ETV6: variants seen among roughly 807,000 people sequenced by gnomAD.
ETV6 encodes the protein transcription factor ETV6.
In ETV6, 16 loss-of-function variants were observed where a neutral mutation model predicts 51.1. That is an observed-to-expected ratio of 0.31 (90% CI 0.21 to 0.48). The LOEUF (loss-of-function observed/expected upper bound fraction) is 0.48. Ranked by LOEUF, ETV6 falls within the 20% of genes least tolerant of loss-of-function variation. ETV6 has a pLI of 0.99. For synonymous variants in ETV6, 240 were observed against 224.1 expected (o/e 1.07, Z -0.64); for missense variants, 458 against 594.8 (o/e 0.77, Z 2.39).
Position 11,719,213 on chromosome 12 carries a change from A to G in ETV6, c.34-33237A>G, listed in dbSNP as rs530176335. Among the ~76,000 whole-genome samples the G allele has an allele frequency of 4.6e-5, 7 of 152,344 alleles. No homozygotes were observed. In the East Asian group the frequency reaches 1.4e-3, roughly 29 times the overall value. On this transcript the variant is annotated intron_variant, in intron 1 of 7. Transcript: ENST00000396373. Reference sequence around the variant, plus strand: ...AGTCTGGAATCCATTTGCTCCACGCAGGAGGCCTGCATCTCAAGTCAGGAG... The same window carrying G: ...AGTCTGGAATCCATTTGCTCCACGCGGGAGGCCTGCATCTCAAGTCAGGAG...
At chr12:11,806,213 G>A (rs1163941201) in intron 2 of ETV6, among the ~76,000 whole-genome samples, 1 of 152,190 alleles carries the variant, frequency 6.6e-6, no homozygotes, top group African/African-American at 2.4e-5. Context: ...TGCCATCCTT[G>A]TTGGACAGTG....
chr12:11,804,429 A>G (rs1945797785), intron 2 of ETV6, among the ~76,000 whole-genome samples: 2 of 152,146 alleles, frequency 1.3e-5, no homozygotes, highest in African/African-American at 2.4e-5. Flanking sequence ...CTCATCCTCC[A>G]TCACCTTGTG....
In ETV6 at chr12:11,894,881, G is replaced by A. The variant is rs577217458; in HGVS notation, c.*3835G>A. ...AGGAAACTGAAGATAAAAGATTTGG[G>A]AAAACACACCAAGAAAAAGGGGCAG... On this transcript the variant is annotated 3_prime_UTR_variant, in exon 8 of 8. Coordinates refer to ENST00000396373, the MANE Select transcript of ETV6 (RefSeq NM_001987.5). 50 of 233,634 alleles carry A rather than the reference G, an allele frequency of 2.1e-4. No individual in the cohort carries two copies. The highest frequency in any genetic ancestry group is 1.1e-3 in the African/African-American group (48 of 45,450). 14.5% of individuals were successfully genotyped at this position (233,634 alleles called of 1,614,324 possible).
intron 1 of ETV6, among the ~76,000 whole-genome samples, chr12:11,701,902 G>A (rs530317841): frequency 6.6e-6 from 1 of 152,308 alleles, no homozygotes; most frequent in South Asian, 2.1e-4. Flanking sequence ...GGTGTTCCAC[G>A]AATGGCCTGA....
chr12:11,881,339 A>G (rs745372646), intron 5 of ETV6, among the ~76,000 whole-genome samples: 1 of 152,228 alleles, frequency 6.6e-6, no homozygotes, highest in South Asian at 2.1e-4. Context: ...CTGCCATTTG[A>G]TAGTAGGACA....
chr12:11,835,641 T>C (rs1946305882), intron 2 of ETV6, among the ~76,000 whole-genome samples: 1 of 152,214 alleles, frequency 6.6e-6, no homozygotes, highest in African/African-American at 2.4e-5. Flanking sequence ...CATTTATAAA[T>C]CTACTTCTCC....
chr12:11,745,434 C>T (rs1865889502), intron 1 of ETV6, among the ~76,000 whole-genome samples: 1 of 152,250 alleles, frequency 6.6e-6, no homozygotes. Context: ...TCCTCTGCTA[C>T]TACAAGCAAG....
intron 2 of ETV6, among the ~76,000 whole-genome samples, chr12:11,775,528 A>G (rs1945309032): frequency 6.6e-6 from 1 of 152,188 alleles, no homozygotes; most frequent in African/African-American, 2.4e-5. Context: ...TCAACCACAT[A>G]GCTGCTAGGC....
intron 1 of ETV6, among the ~76,000 whole-genome samples, chr12:11,732,431 G>A (rs1865617576): frequency 6.6e-6 from 1 of 152,158 alleles, no homozygotes; most frequent in Non-Finnish European, 1.5e-5. Context: ...AACTTACCAG[G>A]AGGAAAGAAG....
intron 1 of ETV6, among the ~76,000 whole-genome samples, chr12:11,718,297 C>T (rs1865316006): frequency 6.6e-6 from 1 of 152,150 alleles, no homozygotes; most frequent in Non-Finnish European, 1.5e-5. Context: ...GACCACACCC[C>T]ATTTCTTTTG....
At chr12:11,817,205 T>C (rs767553626) in intron 2 of ETV6, among the ~76,000 whole-genome samples, 10 of 152,246 alleles carry the variant, frequency 6.6e-5, no homozygotes, top group African/African-American at 1.2e-4. Flanking sequence ...AGAGCTGTTA[T>C]GAAGATGAAA....
rs765031845 is a variant in ETV6, at chr12:11,884,468, G to C, written c.1033G>C (p.Val345Leu). ...IADCRLLWDYVYQLLSDSRYE... is the reference protein window; with the variant it reads ...IADCRLLWDYLYQLLSDSRYE... ...AGACTGTAGACTGCTTTGGGATTAC[G>C]TCTATCAGTTGCTTTCTGACAGCCG... The change falls in exon 6 of 8, where the codon GTC becomes CTC. Residue 345 changes from valine (V) to leucine (L), a missense_variant. By Grantham distance (32) the Val-to-Leu change is conservative (BLOSUM62 1). This residue lies in a region of ETV6 where 55 missense variants were observed against 151.2 expected (regional missense o/e 0.36). Coordinates refer to ENST00000396373, the MANE Select transcript of ETV6 (RefSeq NM_001987.5). 1.2e-6 allele frequency: 2 copies of C among 1,614,162 alleles called. No homozygotes were observed. The highest frequency in any genetic ancestry group is 1.7e-6 in the Non-Finnish European group (2 of 1,180,032).
At chr12:11,829,092 T>C (rs1464260027) in intron 2 of ETV6, among the ~76,000 whole-genome samples, 1 of 151,912 alleles carries the variant, frequency 6.6e-6, no homozygotes, top group African/African-American at 2.4e-5. Context: ...GACAATTCAG[T>C]CCCCTCCTCA....
rs146514399 is a variant in ETV6 at position 11,827,798 on chromosome 12, A to G, written c.164-11342A>G. On this transcript the variant is annotated intron_variant, in intron 2 of 7. Coordinates refer to ENST00000396373, the MANE Select transcript of ETV6 (RefSeq NM_001987.5). ...TACACTTTGCACAGGAATGTTCTGC[A>G]GACTGTGCCGGGCACCAGAGATGGT... Among the ~76,000 whole-genome samples, 10 of 152,308 alleles carry G rather than the reference A, an allele frequency of 6.6e-5. No homozygotes were observed. The East Asian group carries it at 1.9e-3, about 29-fold the overall frequency.
At chr12:11,814,881 C>T (rs546932452) in intron 2 of ETV6, among the ~76,000 whole-genome samples, 4 of 152,270 alleles carry the variant, frequency 2.6e-5, no homozygotes, top group East Asian at 1.9e-4. Flanking sequence ...CAGCCCTTCC[C>T]GGGGAGTGTG....
intron 2 of ETV6, among the ~76,000 whole-genome samples, chr12:11,828,002 C>A (rs994090427): frequency 6.6e-6 from 1 of 152,226 alleles, no homozygotes; most frequent in African/African-American, 2.4e-5. Flanking sequence ...TTTCCTCCAG[C>A]AGTTTCGATT....
chr12:11,833,486 G>A (rs1946273366), intron 2 of ETV6, among the ~76,000 whole-genome samples: 2 of 152,182 alleles, frequency 1.3e-5, no homozygotes, highest in African/African-American at 4.8e-5. Flanking sequence ...TTAAAATTTA[G>A]TCATAAATTT....
At chr12:11,789,797 G>A (rs571343083) in intron 2 of ETV6, among the ~76,000 whole-genome samples, 3 of 152,230 alleles carry the variant, frequency 2.0e-5, no homozygotes, top group Non-Finnish European at 2.9e-5. Context: ...ATGCCATTCC[G>A]ATCTTTAATC....
rs761762783 is a variant in ETV6 at position 11,886,033 on chromosome 12, C to A, written c.1253+7C>A. The A allele has an allele frequency of 1.9e-6, 3 of 1,586,148 alleles. No homozygotes were observed. Among genetic ancestry groups the A allele is most frequent in the Non-Finnish European group, 2.6e-6 (3 of 1,155,316 alleles). On this transcript the variant is annotated splice_region_variant and intron_variant, in intron 7 of 7. Coordinates refer to ENST00000396373, the MANE Select transcript of ETV6 (RefSeq NM_001987.5). ...GACAAAGGCTTTTGTTCAGGTAGCA[C>A]TTCCTTTTTCTCCTTTCCTTCTTTT...
Sources: allele counts gnomAD v4.1 joint callset (sites outside exome capture counted in the v4.1 genomes callset), GRCh38; gene constraint gnomAD v4.1.1; regional missense constraint gnomAD v4.1.1; transcripts MANE v1.5; gene names NCBI Gene and HGNC (gene_info 2026-07-23, HGNC 2026-07-21).